Variants in ACER3 observed in about 807,000 individuals in gnomAD.
ACER3 encodes alkaline ceramidase 3, also known as alkCDase 3.
A neutral mutation model predicts 48.9 loss-of-function variants in ACER3; 16 were observed. That is an observed-to-expected ratio of 0.33 (90% confidence interval 0.22 to 0.50). The LOEUF is 0.50. Ranked by LOEUF, ACER3 falls within the 20% of genes least tolerant of loss-of-function variation. ACER3 has a pLI of 0.98. For missense variants in ACER3, 227 were observed against 326.0 expected (o/e 0.70, Z 2.34); for synonymous variants, 109 against 107.8 (o/e 1.01, Z -0.07).
chr11:77,019,454 A>T, intron 9 of ACER3: 1 of 300,062 alleles, frequency 3.3e-6, no homozygotes, highest in South Asian at 4.8e-5. Context: ...GCAAGACTCC[A>T]TCTCAAAAAA....
chr11:76,987,252 T>C (rs1948704506), intron 5 of ACER3, among the ~76,000 whole-genome samples: 1 of 152,158 alleles, frequency 6.6e-6, no homozygotes, highest in South Asian at 2.1e-4. Flanking sequence ...GAAAGTAATA[T>C]AGCTGTGGGG....
chr11:76,912,436 G>A (rs1946402761), intron 1 of ACER3, among the ~76,000 whole-genome samples: 1 of 152,100 alleles, frequency 6.6e-6, no homozygotes, highest in Non-Finnish European at 1.5e-5. Flanking sequence ...AATTAATACA[G>A]ATGTTCATAA....
intron 6 of ACER3, among the ~76,000 whole-genome samples, chr11:76,997,351 TATTATA>T (rs1948936570): frequency 6.6e-6 from 1 of 152,174 alleles, no homozygotes; most frequent in South Asian, 2.1e-4. Flanking sequence ...TATAATACTA[TATTATA>T]ATTGCCTGGT....
chr11:76,866,359 C>T (rs1487520173), intron 1 of ACER3, among the ~76,000 whole-genome samples: 1 of 152,204 alleles, frequency 6.6e-6, no homozygotes, highest in Non-Finnish European at 1.5e-5. Context: ...AACTCAACTA[C>T]ATGCTTTGCT....
At chr11:76,875,729 G>GTTTT (rs1390719448) in intron 1 of ACER3, among the ~76,000 whole-genome samples, 12 of 79,798 alleles carry the variant, frequency 1.5e-4, no homozygotes, top group South Asian at 3.9e-4. Flanking sequence ...CACAGTTTTT[G>GTTTT]TTGTTTTTTT....
At chr11:76,972,154 G>C (rs1948322706) in intron 3 of ACER3, among the ~76,000 whole-genome samples, 1 of 152,106 alleles carries the variant, frequency 6.6e-6, no homozygotes, top group Non-Finnish European at 1.5e-5. Context: ...GGAATTGCTG[G>C]GTCATTTAAC....
intron 1 of ACER3, among the ~76,000 whole-genome samples, chr11:76,900,183 G>T (rs1946044060): frequency 6.6e-6 from 1 of 151,884 alleles, no homozygotes; most frequent in South Asian, 2.1e-4. Flanking sequence ...ATAAGGAAGA[G>T]AAAATATATT....
intron 2 of ACER3, among the ~76,000 whole-genome samples, chr11:76,946,194 C>G (rs1947468571): frequency 6.6e-6 from 1 of 151,902 alleles, no homozygotes; most frequent in Non-Finnish European, 1.5e-5. Flanking sequence ...TTTCCCTGTC[C>G]CTCCTCAGCC....
Position 77,022,888 on chromosome 11 carries a change from A to AAAAAGAAAAGAAAAG in ACER3, c.*2566_*2580dup, listed in dbSNP as rs1315237168. ...CGTCTCAAAAAAAAAAAAAAAAAAA[A>AAAAAGAAAAGAAAAG]AAAAGAAAAGAAAAGAAAATATAAG... is the stretch of plus-strand genomic sequence containing the variant. On this transcript the variant is annotated 3_prime_UTR_variant, in exon 11 of 11. Transcript: ENST00000532485. 3.3e-6 allele frequency: 1 copy of AAAAAGAAAAGAAAAG among 302,598 alleles called. No homozygotes were observed. The highest frequency in any genetic ancestry group is 2.5e-5 in the African/African-American group (1 of 39,418). The allele number at this position is 302,598 out of a possible 1,614,324, so 18.7% of individuals were successfully genotyped here. A position where few individuals can be genotyped will look rare whatever the true frequency, so the allele number is the denominator to read the frequency against.
chr11:76,957,378 G>T, intron 2 of ACER3: 1 of 357,816 alleles, frequency 2.8e-6, no homozygotes, highest in Non-Finnish European at 5.6e-6. Context: ...TTAAACCTTT[G>T]ATATATTGAA....
Position 77,023,162 on chromosome 11 carries a change from C to T in ACER3, c.*2835C>T, listed in dbSNP as rs2135350741. 2.5e-6 allele frequency: 1 copy of T among 398,478 alleles called. No individual in the cohort carries two copies. The highest frequency in any genetic ancestry group is 3.6e-5 in the East Asian group (1 of 28,056). 24.7% of individuals were successfully genotyped at this position (398,478 alleles called of 1,614,324 possible). ...TGATAGTAAATGCATTGATAATTAA[C>T]AGGAAAAACATGTTTTTAAATAATC... On this transcript the variant is annotated 3_prime_UTR_variant, in exon 11 of 11. Coordinates refer to ENST00000532485, the MANE Select transcript of ACER3 (RefSeq NM_018367.7).
intron 4 of ACER3, 134 bp downstream of exon 4, chr11:76,976,475 C>A: frequency 1.8e-6 from 1 of 549,994 alleles, no homozygotes; most frequent in Non-Finnish European, 3.1e-6. Flanking sequence ...TTTATGATAT[C>A]AATATAGAGT....
chr11:76,990,411 G>A, intron 5 of ACER3, 128 bp from the exon 6 acceptor site: 1 of 733,008 alleles, frequency 1.4e-6, no homozygotes, highest in Non-Finnish European at 2.5e-6. Flanking sequence ...GCTTTTACAT[G>A]GCTAGATTCA....
intron 2 of ACER3, among the ~76,000 whole-genome samples, chr11:76,951,541 G>A (rs2134988207): frequency 6.6e-6 from 1 of 152,262 alleles, no homozygotes; most frequent in South Asian, 2.1e-4. Context: ...TGTTAAATGT[G>A]GAGATGTGAC....
At chr11:76,983,055 A>G (rs979552851) in intron 4 of ACER3, among the ~76,000 whole-genome samples, 1 of 152,168 alleles carries the variant, frequency 6.6e-6, no homozygotes, top group African/African-American at 2.4e-5. Flanking sequence ...AGCTTTGGAA[A>G]TTTTAGTTCC....
chr11:76,963,542 A>G (rs187067923), intron 3 of ACER3, among the ~76,000 whole-genome samples: 1 of 151,402 alleles, frequency 6.6e-6, no homozygotes, highest in Admixed American at 6.5e-5. Context: ...TAGTATGTTA[A>G]TGAGCATATA....
chr11:76,892,347 T>A (rs537584986), intron 1 of ACER3, among the ~76,000 whole-genome samples: 3 of 152,312 alleles, frequency 2.0e-5, no homozygotes, highest in East Asian at 1.9e-4. Context: ...TCTTTATTTT[T>A]AAAAAATAAA....
Position 76,964,570 on chromosome 11 carries a change from G to A in ACER3, c.267+5539G>A, listed in dbSNP as rs1408913899. Among the ~76,000 whole-genome samples, 5 of 151,396 alleles carry A rather than the reference G, an allele frequency of 3.3e-5. No individual in the cohort carries two copies. The South Asian group carries it at 6.2e-4, about 19-fold the overall frequency. ...TAACTGGGAGGCACCCCCCAGTAGGGGTGGACTGACACCTCACACGGCTGG... is the reference window on the plus strand; with the variant it reads ...TAACTGGGAGGCACCCCCCAGTAGGAGTGGACTGACACCTCACACGGCTGG... On this transcript the variant is annotated intron_variant, in intron 3 of 10. Transcript: ENST00000532485.
chr11:76,910,221 A>G (rs1946340673), intron 1 of ACER3, among the ~76,000 whole-genome samples: 2 of 152,278 alleles, frequency 1.3e-5, no homozygotes, highest in Admixed American at 6.5e-5. Context: ...ATGTATAACT[A>G]TGTAACAAAC....
Sources: gnomAD v4.1 joint callset for allele counts (sites outside exome capture counted in the v4.1 genomes callset) on GRCh38, gnomAD v4.1.1 for gene constraint, MANE v1.5 for transcripts, NCBI Gene and HGNC (gene_info 2026-07-23, HGNC 2026-07-21) for gene names.